Variants in EXT2 observed in about 807,000 individuals in gnomAD.
The protein encoded by EXT2 is exostosin glycosyltransferase 2, also known as exostosin-2.
EXT2 carries 53 observed loss-of-function variants against 81.6 expected under a neutral mutation model. The ratio of observed to expected loss-of-function variants is 0.65; its 90% CI spans 0.52 to 0.82. The LOEUF is 0.82. Among genes scored for constraint, EXT2 ranks in the 40% least tolerant of loss-of-function variants. The pLI is 0.00. For synonymous variants in EXT2, 320 were observed against 340.0 expected (o/e 0.94, Z 0.65); for missense variants, 774 against 910.2 (o/e 0.85, Z 1.93).
Position 44,197,886 on chromosome 11 carries a change from G to A in EXT2, c.1363G>A (p.Gly455Arg). ...CCCGCTGATCCCACCACAGTCTCAAGGGTTCACCGCCATAGTCCTCACCTA... is the reference window on the plus strand; with the variant it reads ...CCCGCTGATCCCACCACAGTCTCAAAGGTTCACCGCCATAGTCCTCACCTA... Reference protein sequence around the residue: ...FLPLIPPQSQGFTAIVLTYDR... With the variant: ...FLPLIPPQSQRFTAIVLTYDR... Residue 455 changes from glycine to arginine, a missense_variant, in exon 9 of 14, where the codon GGG (glycine) becomes AGG (arginine). Physicochemically the swap from Gly to Arg is moderately radical, Grantham distance 125. This residue lies in a region of EXT2 where 626 missense variants were observed against 670.5 expected (regional missense o/e 0.93). Coordinates refer to ENST00000533608, the MANE Select transcript of EXT2 (RefSeq NM_207122.2). 1 of 1,614,124 alleles carries A rather than the reference G, an allele frequency of 6.2e-7. No homozygotes were observed. The highest frequency in any genetic ancestry group is 1.1e-5 in the South Asian group (1 of 91,074).
intron 7 of EXT2, among the ~76,000 whole-genome samples, chr11:44,167,425 A>T (rs1955009923): frequency 1.3e-5 from 2 of 152,152 alleles, no homozygotes; most frequent in Admixed American, 1.3e-4. Context: ...GCCCTGGCAA[A>T]TACAAATAAC....
intron 8 of EXT2, among the ~76,000 whole-genome samples, chr11:44,196,876 A>T (rs1955461454): frequency 6.6e-6 from 1 of 152,110 alleles, no homozygotes; most frequent in South Asian, 2.1e-4. Flanking sequence ...ATGCTCTTGA[A>T]ATGCCTGTGA....
chr11:44,221,872 TA>T (rs776857717), intron 10 of EXT2, among the ~76,000 whole-genome samples: 1 of 152,186 alleles, frequency 6.6e-6, no homozygotes, highest in Non-Finnish European at 1.5e-5. Flanking sequence ...TGGTGATTGC[TA>T]TTGCATTAGA....
At chr11:44,150,767 G>A (rs1011651696) in intron 7 of EXT2, among the ~76,000 whole-genome samples, 2 of 152,166 alleles carry the variant, frequency 1.3e-5, no homozygotes, top group Non-Finnish European at 2.9e-5. Context: ...GGAAATTCAG[G>A]ATCCTAGTAT....
intron 9 of EXT2, among the ~76,000 whole-genome samples, chr11:44,206,516 G>A (rs1305676325): frequency 6.6e-6 from 1 of 152,162 alleles, no homozygotes; most frequent in Non-Finnish European, 1.5e-5. Flanking sequence ...ACAGTATTGA[G>A]AATTAGTAGT....
chr11:44,104,482 A>G (rs1451622628), intron 1 of EXT2: 2 of 152,246 alleles, frequency 1.3e-5, no homozygotes, highest in Non-Finnish European at 2.9e-5. Flanking sequence ...TTAAAACCAG[A>G]TGGCACAAAA....
intron 1 of EXT2, among the ~76,000 whole-genome samples, chr11:44,106,390 A>G (rs907487169): frequency 6.6e-6 from 1 of 152,060 alleles, no homozygotes; most frequent in East Asian, 1.9e-4. Context: ...AAATGCAACT[A>G]TCACCTTCAT....
chr11:44,207,425 T>C (rs1057354319), intron 10 of EXT2, among the ~76,000 whole-genome samples: 1 of 152,206 alleles, frequency 6.6e-6, no homozygotes, highest in Admixed American at 6.5e-5. Context: ...GGGAGAAACA[T>C]TCCCTATCAC....
At chr11:44,119,169 T>TATATATATATATATAC (rs1192115471) in intron 4 of EXT2, among the ~76,000 whole-genome samples, 2,247 of 62,914 alleles carry the variant, frequency 0.036, 186 homozygotes, top group Middle Eastern at 0.057. Flanking sequence ...TATATATATA[T>TATATATATATATATAC]ACACATACAC....
At chr11:44,153,647 T>G (rs1350010675) in intron 7 of EXT2, among the ~76,000 whole-genome samples, 7 of 152,100 alleles carry the variant, frequency 4.6e-5, no homozygotes, top group Non-Finnish European at 8.8e-5. Flanking sequence ...AGCAGTAGGT[T>G]TTTTTGTAGA....
chr11:44,212,447 A>G (rs999973378), intron 10 of EXT2, among the ~76,000 whole-genome samples: 10 of 152,272 alleles, frequency 6.6e-5, no homozygotes, highest in African/African-American at 1.2e-4. Flanking sequence ...AGTTACCACT[A>G]TATCTCCACT....
chr11:44,166,893 C>G (rs763206743), intron 7 of EXT2, among the ~76,000 whole-genome samples: 19 of 152,072 alleles, frequency 1.2e-4, no homozygotes, highest in Non-Finnish European at 2.1e-4. Flanking sequence ...TATATTGGAC[C>G]AGGAAAGAAT....
intron 8 of EXT2, among the ~76,000 whole-genome samples, chr11:44,187,746 C>G (rs1955336645): frequency 6.6e-6 from 1 of 152,072 alleles, no homozygotes; most frequent in Non-Finnish European, 1.5e-5. Context: ...TTCCTTACAA[C>G]AAAAGGTAGC....
At chr11:44,145,541 G>A (rs1183641303) in intron 7 of EXT2, among the ~76,000 whole-genome samples, 1 of 152,142 alleles carries the variant, frequency 6.6e-6, no homozygotes, top group Non-Finnish European at 1.5e-5. Flanking sequence ...AAGTTGCAAA[G>A]GGAAGGGCCA....
At chr11:44,227,840 T>C (rs1039590144) in intron 10 of EXT2, among the ~76,000 whole-genome samples, 2 of 152,198 alleles carry the variant, frequency 1.3e-5, no homozygotes, top group Non-Finnish European at 2.9e-5. Context: ...AGAAGTCTCC[T>C]TGAATACCTT....
intron 10 of EXT2, among the ~76,000 whole-genome samples, chr11:44,222,127 CAA>C (rs1466916717): frequency 1.3e-5 from 2 of 152,136 alleles, no homozygotes; most frequent in African/African-American, 4.8e-5. Context: ...TGGTTTAGAT[CAA>C]GAGTTGGCAA....
intron 1 of EXT2, among the ~76,000 whole-genome samples, chr11:44,102,534 C>CTTTTT (rs59752163): frequency 2.8e-5 from 3 of 106,162 alleles, no homozygotes; most frequent in Middle Eastern, 5.8e-3. Flanking sequence ...CTGTCTCTCT[C>CTTTTT]TTTTTTTTTT....
chr11:44,232,992 T>C (rs1000608219), intron 11 of EXT2, among the ~76,000 whole-genome samples: 2 of 152,198 alleles, frequency 1.3e-5, no homozygotes, highest in African/African-American at 4.8e-5. Context: ...CTATTTTAAA[T>C]AACGCTTAAT....
chr11:44,190,558 A>T (rs1446555182), intron 8 of EXT2, among the ~76,000 whole-genome samples: 2 of 152,158 alleles, frequency 1.3e-5, no homozygotes, highest in African/African-American at 4.8e-5. Context: ...GAATTCTCTT[A>T]TTTTCACATG....
Sources: gnomAD v4.1 joint callset for allele counts (sites outside exome capture counted in the v4.1 genomes callset) on GRCh38, gnomAD v4.1.1 for gene constraint, gnomAD v4.1.1 regional missense constraint, MANE v1.5 for transcripts, NCBI Gene and HGNC (gene_info 2026-07-23, HGNC 2026-07-21) for gene names.